Variants in CYP3A7 observed in about 807,000 individuals in gnomAD.
CYP3A7 encodes cytochrome P450 family 3 subfamily A member 7, also known as cytochrome P450 3A7.
A neutral mutation model predicts 55.2 loss-of-function variants in CYP3A7; 45 were observed. That is an observed-to-expected ratio of 0.82 (90% CI 0.64 to 1.05). The LOEUF (loss-of-function observed/expected upper bound fraction) is 1.05, where lower values mean the gene tolerates loss of function less well. Among genes scored for constraint, CYP3A7 ranks in the 50% least tolerant of loss-of-function variants. The pLI is 0.00. For synonymous variants in CYP3A7, 180 were observed against 207.4 expected (o/e 0.87, Z 1.13); for missense variants, 548 against 605.3 (o/e 0.91, Z 0.99).
intron 2 of CYP3A7, among the ~76,000 whole-genome samples, chr7:99,723,171 C>T (rs527709647): frequency 3.3e-5 from 5 of 152,272 alleles, no homozygotes; most frequent in African/African-American, 1.2e-4. Flanking sequence ...TAGCCCAAGC[C>T]TGCATGGGTA....
chr7:99,722,228 C>A lies in CYP3A7; in HGVS notation c.218+68G>T, dbSNP rs45621231. ...GCAAGAGGCTCTGGGCTGAGACTAT[C>A]CTCTGTGCAGTGGGGTAAACTCATC... is the stretch of plus-strand genomic sequence containing the variant. On this transcript the variant is annotated intron_variant, in intron 3 of 12. Coordinates refer to ENST00000336374, the MANE Select transcript of CYP3A7 (RefSeq NM_000765.5). 2,444 of 1,598,446 alleles carry A rather than the reference C, an allele frequency of 1.5e-3. 31 individuals are homozygous for A. The African/African-American group carries it at 0.03, about 20-fold the overall frequency.
chr7:99,723,108 G>C (rs936752462), intron 2 of CYP3A7, among the ~76,000 whole-genome samples: 1 of 152,094 alleles, frequency 6.6e-6, no homozygotes, highest in Non-Finnish European at 1.5e-5. Flanking sequence ...GTGTATCTTG[G>C]GGGTACATCT....
At chr7:99,724,147 A>G (rs2151524688) in intron 2 of CYP3A7, among the ~76,000 whole-genome samples, 2 of 151,990 alleles carry the variant, frequency 1.3e-5, no homozygotes, top group Middle Eastern at 6.8e-3. Context: ...CCCCTTCACT[A>G]TGGGCAACCT....
Position 99,717,578 on chromosome 7 carries a change from T to C in CYP3A7, c.380A>G (p.Lys127Arg). ...AISIAEDEEW[K>R]RIRSLLSPTF... is the part of the protein sequence containing the mutation. ...TGGAGACAGCAATGATCGTATTCTC[T>C]TCCATTCTTCATCCTCAGCTATAGA... is the stretch of plus-strand genomic sequence containing the variant. Residue 127 changes from lysine (K) to arginine (R), a missense_variant, in exon 5 of 13, where the codon AAG (lysine) becomes AGG (arginine). Lys to Arg is a conservative substitution (Grantham distance 26). Coordinates refer to ENST00000336374, the MANE Select transcript of CYP3A7 (RefSeq NM_000765.5). 6.2e-7 allele frequency: 1 copy of C among 1,613,750 alleles called. No homozygotes were observed. The highest frequency in any genetic ancestry group is 1.1e-5 in the South Asian group (1 of 91,088).
In CYP3A7 at chr7:99,707,893, C is replaced by G. The variant is rs1813583905; in HGVS notation, c.1335G>C (p.Met445Ile). The part of the protein sequence containing the change: ...FGSGPRNCIG[M>I]RFALVNMKLA... ...GTTTCATGTTCACGAGAGCAAACCT[C>G]ATGCCAATGCAGTTTCTGGGTCCAC... Residue 445 changes from methionine to isoleucine, a missense_variant, in exon 12 of 13, where the codon ATG (methionine) becomes ATC (isoleucine). Transcript: ENST00000336374. The G allele has an allele frequency of 1.2e-6, 2 of 1,613,916 alleles. No homozygotes were observed. Among genetic ancestry groups the G allele is most frequent in the Non-Finnish European group, 1.7e-6 (2 of 1,179,938 alleles).
intron 2 of CYP3A7, chr7:99,730,458 G>T (rs1331627849): frequency 6.5e-6 from 1 of 153,654 alleles, no homozygotes; most frequent in Non-Finnish European, 1.4e-5. Flanking sequence ...GTGTCTCAAA[G>T]TGGCAACAGA....
intron 1 of CYP3A7, among the ~76,000 whole-genome samples, chr7:99,733,859 T>C (rs1728041440): frequency 6.6e-6 from 1 of 152,230 alleles, no homozygotes; most frequent in African/African-American, 2.4e-5. Flanking sequence ...GCAGGTGTAT[T>C]TGAAATGGGG....
intron 2 of CYP3A7, among the ~76,000 whole-genome samples, chr7:99,726,923 T>C (rs1814434260): frequency 6.6e-6 from 1 of 152,246 alleles, no homozygotes; most frequent in Non-Finnish European, 1.5e-5. Context: ...GGCTGATCTC[T>C]GAAACCCCAA....
At chr7:99,709,913 A>C (rs1186296402) in intron 10 of CYP3A7, among the ~76,000 whole-genome samples, 1 of 152,170 alleles carries the variant, frequency 6.6e-6, no homozygotes, top group East Asian at 1.9e-4. Flanking sequence ...GTCCCTTTCT[A>C]TCCCAAATAT....
rs1244095133 is a variant in CYP3A7 at position 99,715,782 on chromosome 7, A to G, written c.646T>C (p.Leu216=). 6 of 1,613,896 alleles carry G rather than the reference A, an allele frequency of 3.7e-6. No homozygotes were observed. In the Admixed American group the frequency reaches 5.0e-5, roughly 13 times the overall value. ...NTKKLLRFNP[L]DPFVLSIKVF... ...CTTATTGAGAGAACGAATGGATCTA[A>G]TGGATTAAATCTTAAAAGCTTCTTG... Residue 216 remains leucine (L), a synonymous_variant, in exon 7 of 13, where the codon TTA becomes CTA. Coordinates refer to ENST00000336374, the MANE Select transcript of CYP3A7 (RefSeq NM_000765.5).
At chr7:99,715,175 G>T (rs1325956260) in intron 7 of CYP3A7, among the ~76,000 whole-genome samples, 1 of 152,212 alleles carries the variant, frequency 6.6e-6, no homozygotes, top group East Asian at 1.9e-4. Flanking sequence ...ATAAGTTGAA[G>T]TAGAAATTAA....
chr7:99,708,009 A>G, intron 11 of CYP3A7, 35 bp from the exon 12 acceptor site: 1 of 1,613,468 alleles, frequency 6.2e-7, no homozygotes, highest in Non-Finnish European at 8.5e-7. Context: ...TAAAAGTTAA[A>G]GACATAATAC....
At chr7:99,724,913 C>G (rs142410105) in intron 2 of CYP3A7, among the ~76,000 whole-genome samples, 105 of 152,272 alleles carry the variant, frequency 6.9e-4, no homozygotes, top group South Asian at 2.9e-3. Flanking sequence ...GACCTCCCCC[C>G]TCTCCCCAGA....
Position 99,717,270 on chromosome 7 carries a change from G to A in CYP3A7, c.433-5C>T, listed in dbSNP as rs1396337800. The A allele has an allele frequency of 3.7e-6, 6 of 1,613,880 alleles. No homozygotes were observed. Among genetic ancestry groups the A allele is most frequent in the Non-Finnish European group, 5.1e-6 (6 of 1,179,842 alleles). ...CTGGGCAATGATAGGGACCATCTAA[G>A]CACAAAACACAACACCACCCATAGT... On this transcript the variant is annotated splice_polypyrimidine_tract_variant and splice_region_variant and intron_variant, in intron 5 of 12. Transcript: ENST00000336374.
chr7:99,713,432 G>T, intron 9 of CYP3A7, 37 bp downstream of exon 9: 1 of 1,612,584 alleles, frequency 6.2e-7, no homozygotes, highest in South Asian at 1.1e-5. Flanking sequence ...CCCTCTGAGT[G>T]CCCCACCAGT....
At chr7:99,717,409 T>G in intron 5 of CYP3A7, 117 bp downstream of exon 5, 1 of 1,585,120 alleles carries the variant, frequency 6.3e-7, no homozygotes, top group Admixed American at 1.8e-5. Context: ...AGACTATTTT[T>G]AGGAAGCTCA....
intron 8 of CYP3A7, 68 bp downstream of exon 8, chr7:99,714,487 G>T: frequency 6.3e-7 from 1 of 1,594,728 alleles, no homozygotes; most frequent in Non-Finnish European, 8.5e-7. Context: ...GAAGTGCACC[G>T]ATCATATGTA....
At chr7:99,726,848 A>G (rs1486650993) in intron 2 of CYP3A7, among the ~76,000 whole-genome samples, 1 of 152,084 alleles carries the variant, frequency 6.6e-6, no homozygotes, top group Non-Finnish European at 1.5e-5. Context: ...TTTCTTCTCC[A>G]TCCGTTACGT....
chr7:99,707,425 C>A (rs1813566299), intron 12 of CYP3A7, among the ~76,000 whole-genome samples: 1 of 152,184 alleles, frequency 6.6e-6, no homozygotes, highest in African/African-American at 2.4e-5. Context: ...GAGCCACTGT[C>A]ATGAGAAAAC....
Sources: gnomAD v4.1 joint callset for allele counts (sites outside exome capture counted in the v4.1 genomes callset) on GRCh38, gnomAD v4.1.1 for gene constraint, MANE v1.5 for transcripts, NCBI Gene and HGNC (gene_info 2026-07-23, HGNC 2026-07-21) for gene names.